The following NBR1 variants were observed in gnomAD, a reference collection of about 807,000 sequenced individuals.
NBR1 encodes the protein NBR1 autophagy cargo receptor, also known as next to BRCA1 gene 1 protein.
NBR1 carries 59 observed loss-of-function variants against 115.5 expected under a neutral mutation model. That is an observed-to-expected ratio of 0.51 (90% CI 0.41 to 0.63). NBR1 has a LOEUF of 0.63. Among genes scored for constraint, NBR1 ranks in the 30% least tolerant of loss-of-function variants. The probability of loss-of-function intolerance (pLI) is 0.00; values close to 1 mark genes in which losing one functional copy is unlikely to be tolerated. For synonymous variants in NBR1, 373 were observed against 414.7 expected (o/e 0.90, Z 1.22); for missense variants, 1,043 against 1,150.5 (o/e 0.91, Z 1.35).
chr17:43,197,127 C>A (rs769674829), intron 16 of NBR1, 21 bp downstream of exon 16: 1 of 1,611,596 alleles, frequency 6.2e-7, no homozygotes, highest in East Asian at 2.2e-5. Context: ...TTGCATTTCC[C>A]CTACCTAGCA....
chr17:43,194,593 G>C, intron 13 of NBR1, 94 bp downstream of exon 13: 29 of 1,381,980 alleles, frequency 2.1e-5, no homozygotes, highest in Non-Finnish European at 2.8e-5. Context: ...GGAAATCAGA[G>C]ATATGCCCAC....
At chr17:43,196,308 T>C (rs2057066775) in intron 14 of NBR1, among the ~76,000 whole-genome samples, 173 bp from the exon 15 acceptor site, 1 of 152,206 alleles carries the variant, frequency 6.6e-6, no homozygotes. Context: ...ATCTGAGATA[T>C]TTTGCTTACT....
At position 43,189,727 on chromosome 17, in the gene NBR1, C is replaced by T. The variant is rs758996902; in HGVS notation, c.620C>T (p.Pro207Leu). 2 of 1,613,938 alleles carry T rather than the reference C, an allele frequency of 1.2e-6. No homozygotes were observed. The highest frequency in any genetic ancestry group is 1.1e-5 in the South Asian group (1 of 91,078). The change falls in exon 8 of 21, where the codon CCA becomes CTA. Residue 207 changes from proline (P) to leucine (L), a missense_variant. Physicochemically the swap from Pro to Leu is moderately conservative, Grantham distance 98. Transcript: ENST00000590996. ...ACTTCAGAAGAAACATTGTTTTTGCCAGAAAACCAGTTCAGCTGGCATATT... is the reference window on the plus strand; with the variant it reads ...ACTTCAGAAGAAACATTGTTTTTGCTAGAAAACCAGTTCAGCTGGCATATT... ...MPTSEETLFL[P>L]ENQFSWHIAC...
chr17:43,208,276 G>A (rs1229691705), intron 20 of NBR1, among the ~76,000 whole-genome samples: 1 of 152,190 alleles, frequency 6.6e-6, no homozygotes. Context: ...AGCCAGCAGT[G>A]AAAGAGGTTA....
chr17:43,186,527 T>A (rs921176133), intron 6 of NBR1, 83 bp downstream of exon 6: 17 of 1,174,934 alleles, frequency 1.4e-5, no homozygotes, highest in Non-Finnish European at 1.8e-5. Flanking sequence ...TTTATTTTAT[T>A]TTTTTATTAT....
chr17:43,173,368 A>G (rs972676747), intron 1 of NBR1, among the ~76,000 whole-genome samples: 3 of 151,980 alleles, frequency 2.0e-5, no homozygotes, highest in Non-Finnish European at 4.4e-5. Flanking sequence ...GGCTCACTGC[A>G]ACCTTGCCTC....
chr17:43,189,101 C>T lies in NBR1; in HGVS notation c.462C>T (p.Phe154=). The T allele has an allele frequency of 6.2e-7, 1 of 1,611,232 alleles. No individual in the cohort carries two copies. The highest frequency in any genetic ancestry group is 8.5e-7 in the Non-Finnish European group (1 of 1,177,490). ...CTCAAGACAAGCCCCCAGACTGGTT[C>T]ACAAGCTACCTGGAGACGGTGAGTG... ...DQPQDKPPDW[F]TSYLETFREQ... Residue 154 remains phenylalanine (F), a synonymous_variant, in exon 7 of 21, where the codon TTC becomes TTT. Coordinates refer to ENST00000590996, the MANE Select transcript of NBR1 (RefSeq NM_005899.5).
intron 1 of NBR1, among the ~76,000 whole-genome samples, chr17:43,174,640 A>G (rs1441345820): frequency 6.6e-6 from 1 of 151,998 alleles, no homozygotes; most frequent in Non-Finnish European, 1.5e-5. Flanking sequence ...ATATTATTAT[A>G]GTTTGGTTAA....
At chr17:43,197,567 G>A (rs1312802071) in intron 16 of NBR1, among the ~76,000 whole-genome samples, 2 of 151,824 alleles carry the variant, frequency 1.3e-5, no homozygotes, top group Non-Finnish European at 2.9e-5. Context: ...TAGACTCTAC[G>A]TATGCTACCT....
intron 16 of NBR1, among the ~76,000 whole-genome samples, chr17:43,198,132 C>T (rs1238930513): frequency 6.6e-6 from 1 of 150,566 alleles, no homozygotes; most frequent in Admixed American, 6.6e-5. Context: ...GGCGCCATTG[C>T]ACTCCAGCCT....
At chr17:43,186,200 G>C in intron 5 of NBR1, 50 bp from the exon 6 acceptor site, 1 of 1,454,606 alleles carries the variant, frequency 6.9e-7, no homozygotes, top group South Asian at 1.3e-5. Flanking sequence ...ATGTTATTTA[G>C]GAGAAGATAA....
At chr17:43,208,282 G>C (rs1299754754) in intron 20 of NBR1, among the ~76,000 whole-genome samples, 6 of 152,140 alleles carry the variant, frequency 3.9e-5, no homozygotes, top group Non-Finnish European at 8.8e-5. Context: ...CAGTGAAAGA[G>C]GTTAATGATA....
At chr17:43,197,659 A>G (rs1433314864) in intron 16 of NBR1, among the ~76,000 whole-genome samples, 1 of 152,334 alleles carries the variant, frequency 6.6e-6, no homozygotes, top group East Asian at 1.9e-4. Flanking sequence ...TTACAGCTGC[A>G]TTCCACAGTG....
Position 43,200,329 on chromosome 17 carries a change from A to G in NBR1, c.2189A>G (p.Glu730Gly), listed in dbSNP as rs529913802. ...CAAAGTCAGTCCTCTGCTTCCTCAGAGGATTACATCATCATCCTGCCTGAG... is the reference window on the plus strand; with the variant it reads ...CAAAGTCAGTCCTCTGCTTCCTCAGGGGATTACATCATCATCCTGCCTGAG... ...EVQSQSSASS[E>G]DYIIILPECF... Residue 730 changes from glutamate to glycine, a missense_variant, in exon 17 of 21, where the codon GAG becomes GGG. By Grantham distance (98) the Glu-to-Gly change is moderately conservative (BLOSUM62 -2). Coordinates refer to ENST00000590996, the MANE Select transcript of NBR1 (RefSeq NM_005899.5). 6.4e-7 allele frequency: 1 copy of G among 1,553,010 alleles called. No homozygotes were observed. Among genetic ancestry groups the G allele is most frequent in the African/African-American group, 1.4e-5 (1 of 73,224 alleles).
At chr17:43,172,334 C>T (rs545038147) in intron 1 of NBR1, among the ~76,000 whole-genome samples, 1 of 152,308 alleles carries the variant, frequency 6.6e-6, no homozygotes, top group East Asian at 1.9e-4. Flanking sequence ...CTAGAATCTC[C>T]CACTTCCTGT....
In NBR1 at chr17:43,210,993, G is replaced by C. The variant is rs1598026732; in HGVS notation, c.*919G>C. 3.0e-6 allele frequency: 1 copy of C among 328,778 alleles called. No homozygotes were observed. Among genetic ancestry groups the C allele is most frequent in the Admixed American group, 4.9e-5 (1 of 20,600 alleles). 20.4% of individuals were successfully genotyped at this position (328,778 alleles called of 1,614,324 possible). On this transcript the variant is annotated 3_prime_UTR_variant, in exon 21 of 21. Transcript: ENST00000590996. ...AGGCTCCTAAATTAATGTCAGTGAA[G>C]TTCAGGGTGGGCAAATGAGTGTGTG... is the stretch of plus-strand genomic sequence containing the variant.
intron 20 of NBR1, among the ~76,000 whole-genome samples, chr17:43,205,998 T>G (rs1360876742): frequency 1.3e-5 from 2 of 149,312 alleles, no homozygotes; most frequent in Admixed American, 6.7e-5. Context: ...ACCCACATGG[T>G]GAAACCCCAT....
intron 12 of NBR1, 78 bp from the exon 13 acceptor site, chr17:43,194,272 A>AT: frequency 7.5e-7 from 1 of 1,338,376 alleles, no homozygotes; most frequent in Non-Finnish European, 1.0e-6. Context: ...CAGCGTTTTT[A>AT]TTTTTGGGGG....
At chr17:43,189,452 G>A in intron 7 of NBR1, 136 bp from the exon 8 acceptor site, 1 of 647,312 alleles carries the variant, frequency 1.5e-6, no homozygotes, top group East Asian at 2.7e-5. Context: ...CTATGTTTCT[G>A]TCTATTCAGT....
Sources: allele counts gnomAD v4.1 joint callset (sites outside exome capture counted in the v4.1 genomes callset), GRCh38; gene constraint gnomAD v4.1.1; transcripts MANE v1.5; gene names NCBI Gene and HGNC (gene_info 2026-07-23, HGNC 2026-07-21).